NLK: variants seen among roughly 807,000 people sequenced by gnomAD.
The protein encoded by NLK is nemo like kinase, also known as serine/threonine-protein kinase NLK.
A neutral mutation model predicts 59.0 loss-of-function variants in NLK; 11 were observed. That is an observed-to-expected ratio of 0.19 (90% CI 0.12 to 0.31). The LOEUF (loss-of-function observed/expected upper bound fraction) is 0.31, where lower values mean the gene tolerates loss of function less well. NLK is among the 10% of genes least tolerant of loss of function. NLK has a pLI of 1.00. For missense variants in NLK, 410 were observed against 661.1 expected (o/e 0.62, Z 4.16); for synonymous variants, 235 against 235.9 (o/e 1.00, Z 0.03).
intron 7 of NLK, among the ~76,000 whole-genome samples, chr17:28,176,012 C>G (rs1372943707): frequency 6.6e-6 from 1 of 151,954 alleles, no homozygotes; most frequent in East Asian, 1.9e-4. Context: ...AGGATCTTTA[C>G]GAAAATCCAT....
intron 1 of NLK, among the ~76,000 whole-genome samples, chr17:28,114,543 C>T (rs138460449): frequency 1.1e-3 from 167 of 152,264 alleles, no homozygotes; most frequent in South Asian, 2.1e-3. Context: ...TATGAAAAGA[C>T]GTTCTTGATT....
intron 10 of NLK, among the ~76,000 whole-genome samples, chr17:28,192,460 G>A (rs149432630): frequency 1.3e-5 from 2 of 152,106 alleles, no homozygotes; most frequent in Non-Finnish European, 2.9e-5. Flanking sequence ...CCTGAGGTCT[G>A]GAGTTCAAGA....
At chr17:28,183,865 G>A (rs540540527) in intron 7 of NLK, among the ~76,000 whole-genome samples, 11 of 152,258 alleles carry the variant, frequency 7.2e-5, no homozygotes, top group African/African-American at 2.4e-4. Flanking sequence ...CTCTGCTAAA[G>A]GTTGTATTAA....
At chr17:28,111,388 C>G (rs1216313915) in intron 1 of NLK, among the ~76,000 whole-genome samples, 2 of 151,780 alleles carry the variant, frequency 1.3e-5, no homozygotes, top group Non-Finnish European at 1.5e-5. Context: ...AGGGTTTCAC[C>G]ATGTTGGCCA....
intron 3 of NLK, among the ~76,000 whole-genome samples, chr17:28,137,917 ATATAT>A (rs879926175): frequency 3.3e-5 from 5 of 152,182 alleles, no homozygotes; most frequent in African/African-American, 1.2e-4. Context: ...TATCTAGGAA[ATATAT>A]TATTTAATAA....
chr17:28,065,540 T>G (rs1367376553), intron 1 of NLK, among the ~76,000 whole-genome samples: 1 of 152,184 alleles, frequency 6.6e-6, no homozygotes, highest in Admixed American at 6.5e-5. Flanking sequence ...AGCTATTGAA[T>G]GACTTAAATG....
At chr17:28,107,811 G>A (rs972560790) in intron 1 of NLK, among the ~76,000 whole-genome samples, 3 of 152,104 alleles carry the variant, frequency 2.0e-5, no homozygotes, top group Admixed American at 1.3e-4. Context: ...GCACTGGAAG[G>A]ATACAAAGAG....
At chr17:28,174,316 T>G (rs946754626) in intron 7 of NLK, among the ~76,000 whole-genome samples, 3 of 152,212 alleles carry the variant, frequency 2.0e-5, no homozygotes, top group African/African-American at 7.2e-5. Flanking sequence ...AACAAATCAT[T>G]TCTTATATAT....
intron 1 of NLK, among the ~76,000 whole-genome samples, chr17:28,086,073 C>T (rs1910507404): frequency 6.6e-6 from 1 of 152,098 alleles, no homozygotes; most frequent in Admixed American, 6.5e-5. Context: ...CCACATTTTT[C>T]CCCCAAACCA....
chr17:28,094,871 T>G (rs1256278734), intron 1 of NLK, among the ~76,000 whole-genome samples: 1 of 152,208 alleles, frequency 6.6e-6, no homozygotes, highest in East Asian at 1.9e-4. Flanking sequence ...AAGACTCTTG[T>G]CTCCTTTCTC....
At chr17:28,060,796 A>G (rs945669302) in intron 1 of NLK, among the ~76,000 whole-genome samples, 3 of 152,232 alleles carry the variant, frequency 2.0e-5, no homozygotes, top group Admixed American at 6.5e-5. Context: ...CACACACTCA[A>G]ATTTTTTATG....
At chr17:28,131,318 T>C (rs1906505618) in intron 2 of NLK, among the ~76,000 whole-genome samples, 2 of 151,806 alleles carry the variant, frequency 1.3e-5, no homozygotes, top group Non-Finnish European at 2.9e-5. Context: ...TATGAGAAAA[T>C]AGAAAATTTG....
chr17:28,137,857 C>A (rs775845602), intron 3 of NLK, among the ~76,000 whole-genome samples: 19 of 152,066 alleles, frequency 1.2e-4, no homozygotes, highest in Admixed American at 3.3e-4. Context: ...GCAATAAATT[C>A]TATCATGACC....
intron 4 of NLK, 63 bp downstream of exon 4, chr17:28,161,329 T>C: frequency 1.1e-6 from 1 of 891,928 alleles, no homozygotes; most frequent in Non-Finnish European, 1.9e-6. Context: ...TTGCTTCTCA[T>C]TTAGACTTTA....
Position 28,042,864 on chromosome 17 carries a change from T to C in NLK, c.-10T>C. 6.7e-7 allele frequency: 1 copy of C among 1,482,314 alleles called. No homozygotes were observed. 91.8% of individuals were successfully genotyped at this position (1,482,314 alleles called of 1,614,324 possible). The stretch of plus-strand genomic sequence containing the variant: ...CAGTTTGCTTTCCAATCAAAGGGCA[T>C]TTATTTTGAATGTCTCTTTGTGGCG... On this transcript the variant is annotated 5_prime_UTR_variant, in exon 1 of 11. Transcript: ENST00000407008.
chr17:28,084,354 A>G (rs957779708), intron 1 of NLK, among the ~76,000 whole-genome samples: 3 of 152,208 alleles, frequency 2.0e-5, no homozygotes, highest in African/African-American at 7.2e-5. Context: ...GTTTATTAAG[A>G]TGAAATAGGT....
chr17:28,094,791 C>G (rs1413607555), intron 1 of NLK, among the ~76,000 whole-genome samples: 1 of 152,130 alleles, frequency 6.6e-6, no homozygotes, highest in Non-Finnish European at 1.5e-5. Flanking sequence ...GGTATGTTGC[C>G]TCACATAACC....
At chr17:28,071,434 CTT>C (rs538917495) in intron 1 of NLK, among the ~76,000 whole-genome samples, 24 of 132,844 alleles carry the variant, frequency 1.8e-4, no homozygotes, top group African/African-American at 3.3e-4. Flanking sequence ...TAGCTCTCCA[CTT>C]TTTTTTTTTT....
chr17:28,121,591 C>G (rs948147857), intron 1 of NLK, among the ~76,000 whole-genome samples: 3 of 149,404 alleles, frequency 2.0e-5, no homozygotes, highest in African/African-American at 7.4e-5. Flanking sequence ...CAACCTCCGC[C>G]TCCAGGTTCA....
Sources: gnomAD v4.1 joint callset for allele counts (sites outside exome capture counted in the v4.1 genomes callset) on GRCh38, gnomAD v4.1.1 for gene constraint, MANE v1.5 for transcripts, NCBI Gene and HGNC (gene_info 2026-07-23, HGNC 2026-07-21) for gene names.